The following GCLM variants were observed in gnomAD, a reference collection of about 807,000 sequenced individuals.
GCLM encodes glutamate-cysteine ligase modifier subunit, also known as glutamate--cysteine ligase regulatory subunit.
A neutral mutation model predicts 36.0 loss-of-function variants in GCLM; 15 were observed. The ratio of observed to expected loss-of-function variants is 0.42; its 90% confidence interval spans 0.28 to 0.64. The LOEUF is 0.64. Among genes scored for constraint, GCLM ranks in the 30% least tolerant of loss-of-function variants. The pLI, the probability that GCLM is intolerant of heterozygous loss-of-function variation, is 0.25. For missense variants in GCLM, 242 were observed against 325.5 expected, an observed-to-expected ratio of 0.74 and a Z score of 1.97; for synonymous variants, 129 against 122.8, an observed-to-expected ratio of 1.05 and a Z score of -0.34.
chr1:93,899,803 G>A (rs1656880205), intron 3 of GCLM, among the ~76,000 whole-genome samples: 1 of 152,042 alleles, frequency 6.6e-6, no homozygotes, highest in Non-Finnish European at 1.5e-5. Context: ...TAGGAAAGTT[G>A]AGTCATTTTC....
chr1:93,890,839 A>G (rs1015031084), intron 6 of GCLM, among the ~76,000 whole-genome samples: 2 of 151,774 alleles, frequency 1.3e-5, no homozygotes, highest in African/African-American at 4.8e-5. Context: ...GCAGTTGATA[A>G]TTTGAGAGTG....
chr1:93,906,262 T>C (rs2100928874), intron 1 of GCLM, among the ~76,000 whole-genome samples: 1 of 152,338 alleles, frequency 6.6e-6, no homozygotes, highest in East Asian at 1.9e-4. Context: ...AGCATATTTA[T>C]AATCAAATTT....
At chr1:93,893,255 T>A (rs1331334993) in intron 6 of GCLM, among the ~76,000 whole-genome samples, 2 of 152,172 alleles carry the variant, frequency 1.3e-5, no homozygotes, top group Non-Finnish European at 2.9e-5. Context: ...TGAGGCTCTA[T>A]TTCCTGACAA....
chr1:93,894,549 A>G, intron 6 of GCLM, 65 bp downstream of exon 6: 1 of 877,520 alleles, frequency 1.1e-6, no homozygotes, highest in East Asian at 2.4e-5. Flanking sequence ...ATTATGTATC[A>G]ACAAATACCT....
chr1:93,896,661 T>G lies in GCLM; in HGVS notation c.497A>C (p.Asp166Ala). The G allele has an allele frequency of 6.2e-7, 1 of 1,614,120 alleles. No homozygotes were observed. Among genetic ancestry groups the G allele is most frequent in the Non-Finnish European group, 8.5e-7 (1 of 1,180,004 alleles). The change falls in exon 5 of 7, where the codon GAT becomes GCT. Residue 166 changes from aspartate to alanine, a missense_variant. By Grantham distance (126) the Asp-to-Ala change is moderately radical. Coordinates refer to ENST00000370238, the MANE Select transcript of GCLM (RefSeq NM_002061.4). ...CTGTTCCAACTGTGTTTTGTCTAGA[T>G]CAGAGGTACCTATGGCAACAATCTT... ...SKKIVAIGTSDLDKTQLEQLY... is the reference protein window; with the variant it reads ...SKKIVAIGTSALDKTQLEQLY...
At chr1:93,900,818 A>G (rs2100920491) in intron 3 of GCLM, among the ~76,000 whole-genome samples, 1 of 152,308 alleles carries the variant, frequency 6.6e-6, no homozygotes, top group South Asian at 2.1e-4. Flanking sequence ...AATAATAGCT[A>G]CCTAGAACTT....
chr1:93,896,878 C>A lies in GCLM; in HGVS notation c.338-58G>T, dbSNP rs551938968. The A allele has an allele frequency of 3.2e-5, 31 of 963,110 alleles. No homozygotes were observed. The African/African-American group carries it at 4.2e-4, about 13-fold the overall frequency. The allele number at this position is 963,110 out of a possible 1,614,324, so 59.7% of individuals were successfully genotyped here. A position where few individuals can be genotyped will look rare whatever the true frequency, so the allele number is the denominator to read the frequency against. On this transcript the variant is annotated intron_variant, in intron 4 of 6. Transcript: ENST00000370238. ...GCTTACATCATAAAAACAAATATTT[C>A]TAATGTTTTCAAAGTATCCCACTGA...
At chr1:93,909,016 C>G in intron 1 of GCLM, 22 bp downstream of exon 1, 1 of 1,442,366 alleles carries the variant, frequency 6.9e-7, no homozygotes, top group East Asian at 3.1e-5. Context: ...GGGAGCCCCG[C>G]GGCGAGTGTC....
At chr1:93,906,345 A>G (rs1657146625) in intron 1 of GCLM, among the ~76,000 whole-genome samples, 1 of 152,228 alleles carries the variant, frequency 6.6e-6, no homozygotes, top group Non-Finnish European at 1.5e-5. Flanking sequence ...CTTAAAAATT[A>G]GTAAAAATGG....
chr1:93,894,587 T>C (rs1190438926), intron 6 of GCLM, 27 bp downstream of exon 6: 21 of 1,132,066 alleles, frequency 1.9e-5, no homozygotes, highest in Non-Finnish European at 2.8e-5. Flanking sequence ...TTATGATCAA[T>C]CTCTATAATG....
chr1:93,890,958 C>A (rs1438561775), intron 6 of GCLM, among the ~76,000 whole-genome samples: 1 of 150,752 alleles, frequency 6.6e-6, no homozygotes, highest in East Asian at 1.9e-4. Flanking sequence ...CTCACTGCAG[C>A]CTCAAACTTC....
At chr1:93,897,737 A>G in intron 4 of GCLM, 102 bp downstream of exon 4, 2 of 618,446 alleles carry the variant, frequency 3.2e-6, no homozygotes, top group Non-Finnish European at 5.6e-6. Context: ...AATTGGAATC[A>G]ACTCATTTTC....
chr1:93,899,245 T>C (rs1190859041), intron 3 of GCLM, among the ~76,000 whole-genome samples: 2 of 152,080 alleles, frequency 1.3e-5, no homozygotes, highest in Non-Finnish European at 2.9e-5. Flanking sequence ...GGCTAATTTT[T>C]GTATTTTTAG....
rs371857454 is a variant in GCLM at position 93,897,949 on chromosome 1, A to G, written c.278-51T>C. ...ATTACTACATTTGGATACACATTTC[A>G]CTATATGCTAGTATTAACACTACTA... On this transcript the variant is annotated intron_variant, in intron 3 of 6. Coordinates refer to ENST00000370238, the MANE Select transcript of GCLM (RefSeq NM_002061.4). 70 of 934,822 alleles carry G rather than the reference A, an allele frequency of 7.5e-5. No homozygotes were observed. In the African/African-American group the frequency reaches 1.1e-3, roughly 15 times the overall value. The allele number at this position is 934,822 out of a possible 1,614,324, so 57.9% of individuals were successfully genotyped here.
intron 1 of GCLM, among the ~76,000 whole-genome samples, chr1:93,907,208 T>C (rs189609148): frequency 1.7e-3 from 260 of 152,292 alleles, no homozygotes; most frequent in Admixed American, 2.3e-3. Context: ...CAAGCAGTCA[T>C]AGTTTCCCTA....
intron 6 of GCLM, among the ~76,000 whole-genome samples, chr1:93,893,148 T>C (rs1033111658): frequency 6.6e-6 from 1 of 152,140 alleles, no homozygotes; most frequent in African/African-American, 2.4e-5. Context: ...TCAAAGAGAT[T>C]GTATAGTGGA....
chr1:93,906,436 C>A (rs991885224), intron 1 of GCLM, among the ~76,000 whole-genome samples: 1 of 152,008 alleles, frequency 6.6e-6, no homozygotes, highest in Non-Finnish European at 1.5e-5. Context: ...AAGAAATTTC[C>A]CTCTGGAAGG....
chr1:93,907,104 G>C (rs1197105601), intron 1 of GCLM, among the ~76,000 whole-genome samples: 1 of 152,022 alleles, frequency 6.6e-6, no homozygotes, highest in East Asian at 1.9e-4. Flanking sequence ...CAGTGAAGCG[G>C]AACTGTTCCA....
intron 3 of GCLM, among the ~76,000 whole-genome samples, chr1:93,898,464 T>C (rs1656821941): frequency 6.6e-6 from 1 of 152,070 alleles, no homozygotes; most frequent in Non-Finnish European, 1.5e-5. Flanking sequence ...ATATTTAAAA[T>C]ATATGTCTAT....
Sources: allele counts gnomAD v4.1 joint callset (sites outside exome capture counted in the v4.1 genomes callset), GRCh38; gene constraint gnomAD v4.1.1; transcripts MANE v1.5; gene names NCBI Gene and HGNC (gene_info 2026-07-23, HGNC 2026-07-21).